The following MRPS33 variants were observed in gnomAD, a reference collection of about 807,000 sequenced individuals.
The protein encoded by MRPS33 is small ribosomal subunit protein mS33.
Under a neutral mutation model 11.2 loss-of-function variants are expected in MRPS33, and 11 were observed. The observed-to-expected ratio is 0.99, with a 90% CI of 0.62 to 1.63. The LOEUF (loss-of-function observed/expected upper bound fraction) is 1.63. MRPS33 is among the 40% of genes most tolerant of loss of function. The pLI is 0.00. For missense variants in MRPS33, 109 were observed against 127.8 expected (o/e 0.85, Z 0.71); for synonymous variants, 46 against 44.0 (o/e 1.05, Z -0.18).
rs1194475415 is a variant in MRPS33 at position 141,002,632 on chromosome 7, C to A, written c.*3798G>T. On this transcript the variant is annotated 3_prime_UTR_variant, in exon 3 of 3. Coordinates refer to ENST00000324787, the MANE Select transcript of MRPS33 (RefSeq NM_053035.3). Reference sequence around the variant, plus strand: ...GCAGAATTTCAAATTTTGATTTATTCTTTCTTGGAAAATGATTTATAAATA... The same window carrying A: ...GCAGAATTTCAAATTTTGATTTATTATTTCTTGGAAAATGATTTATAAATA... The A allele has an allele frequency of 1.2e-5, 3 of 252,324 alleles. No individual in the cohort carries two copies. The highest frequency in any genetic ancestry group is 5.0e-5 in the South Asian group (1 of 19,832). The allele number at this position is 252,324 out of a possible 1,614,324, so 15.6% of individuals were successfully genotyped here. A position where few individuals can be genotyped will look rare whatever the true frequency, so the allele number is the denominator to read the frequency against.
chr7:141,008,041 A>G (rs1820578382), intron 2 of MRPS33, among the ~76,000 whole-genome samples: 1 of 152,056 alleles, frequency 6.6e-6, no homozygotes, highest in Non-Finnish European at 1.5e-5. Context: ...GAATGAATCA[A>G]TTGTTTCTGA....
intron 1 of MRPS33, among the ~76,000 whole-genome samples, chr7:141,012,701 C>A (rs552473062): frequency 6.6e-6 from 1 of 152,156 alleles, no homozygotes; most frequent in Non-Finnish European, 1.5e-5. Flanking sequence ...AGTATTTCCA[C>A]AGTTAGTTAT....
rs544479970 is a variant in MRPS33 at position 141,010,536 on chromosome 7, A to G, written c.98T>C (p.Val33Ala). The G allele has an allele frequency of 1.2e-5, 20 of 1,614,192 alleles. No homozygotes were observed. The Admixed American group carries it at 1.3e-4, about 11-fold the overall frequency. Residue 33 changes from valine to alanine, a missense_variant, in exon 2 of 3, where the codon GTG becomes GCG. Transcript: ENST00000324787. Reference protein sequence around the residue: ...TRPTNSKSMKVVKLFSELPLA... With the variant: ...TRPTNSKSMKAVKLFSELPLA... ...GGGCAGTTCACTAAACAGTTTCACC[A>G]CTTTCATAGACTTGGAATTAGTAGG...
Position 141,002,640 on chromosome 7 carries a change from G to C in MRPS33, c.*3790C>G, listed in dbSNP as rs1486978568. 3 of 251,848 alleles carry C rather than the reference G, an allele frequency of 1.2e-5. No individual in the cohort carries two copies. Among genetic ancestry groups the C allele is most frequent in the Admixed American group, 4.9e-5 (1 of 20,428 alleles). 15.6% of individuals were successfully genotyped at this position (251,848 alleles called of 1,614,324 possible). The stretch of plus-strand genomic sequence containing the variant: ...TCAAATTTTGATTTATTCTTTCTTG[G>C]AAAATGATTTATAAATACAAGCATT... On this transcript the variant is annotated 3_prime_UTR_variant, in exon 3 of 3. Transcript: ENST00000324787.
At chr7:141,014,070 C>T (rs553868349) in intron 1 of MRPS33, among the ~76,000 whole-genome samples, 2 of 152,324 alleles carry the variant, frequency 1.3e-5, no homozygotes, top group South Asian at 2.1e-4. Flanking sequence ...AACGCACCAG[C>T]TGCAGAATAA....
intron 1 of MRPS33, among the ~76,000 whole-genome samples, chr7:141,012,057 C>T (rs1427939808): frequency 2.7e-5 from 4 of 150,508 alleles, no homozygotes; most frequent in Non-Finnish European, 1.5e-5. Flanking sequence ...GTAGTTCCAG[C>T]TACTCGTGGA....
chr7:141,012,864 T>C (rs1185187633), intron 1 of MRPS33, among the ~76,000 whole-genome samples: 2 of 152,226 alleles, frequency 1.3e-5, no homozygotes, highest in African/African-American at 4.8e-5. Flanking sequence ...CCTTGGGTTA[T>C]TGTGAACAGT....
At position 141,006,361 on chromosome 7, in the gene MRPS33, G is replaced by T; in HGVS notation, c.*69C>A. On this transcript the variant is annotated 3_prime_UTR_variant, in exon 3 of 3. Coordinates refer to ENST00000324787, the MANE Select transcript of MRPS33 (RefSeq NM_053035.3). ...GAAGATGACATTCCTCCAATAGGTG[G>T]AAAGACAATAAATGCACTTTCTTCT... 7.5e-7 allele frequency: 1 copy of T among 1,330,250 alleles called. No homozygotes were observed. Among genetic ancestry groups the T allele is most frequent in the Non-Finnish European group, 1.1e-6 (1 of 937,302 alleles). 82.4% of individuals were successfully genotyped at this position (1,330,250 alleles called of 1,614,324 possible). A position where few individuals can be genotyped will look rare whatever the true frequency, so the allele number is the denominator to read the frequency against.
chr7:141,002,835 A>G lies in MRPS33; in HGVS notation c.*3595T>C, dbSNP rs1820436800. On this transcript the variant is annotated 3_prime_UTR_variant, in exon 3 of 3. Coordinates refer to ENST00000324787, the MANE Select transcript of MRPS33 (RefSeq NM_053035.3). Reference sequence around the variant, plus strand: ...ATCATGCTGCTTGTAAACGTGGGGAACTTTATATTTTTAGGAGATACGTGT... The same window carrying G: ...ATCATGCTGCTTGTAAACGTGGGGAGCTTTATATTTTTAGGAGATACGTGT... 1 of 154,954 alleles carries G rather than the reference A, an allele frequency of 6.5e-6. No individual in the cohort carries two copies. The highest frequency in any genetic ancestry group is 1.4e-5 in the Non-Finnish European group (1 of 69,924). The allele number at this position is 154,954 out of a possible 1,614,324, so 9.6% of individuals were successfully genotyped here. A position where few individuals can be genotyped will look rare whatever the true frequency, so the allele number is the denominator to read the frequency against.
chr7:141,007,452 A>C (rs181323674), intron 2 of MRPS33, among the ~76,000 whole-genome samples: 1 of 152,162 alleles, frequency 6.6e-6, no homozygotes, highest in South Asian at 2.1e-4. Context: ...AGTGTCCCCA[A>C]ATAATTCTCA....
In MRPS33 at chr7:141,002,786, C is replaced by A. The variant is rs1163160117; in HGVS notation, c.*3644G>T. 4 of 162,324 alleles carry A rather than the reference C, an allele frequency of 2.5e-5. No homozygotes were observed. The East Asian group carries it at 6.9e-4, about 28-fold the overall frequency. 10.1% of individuals were successfully genotyped at this position (162,324 alleles called of 1,614,324 possible). ...ACATAAATAATAAGATGTTACCTCT[C>A]ATCTACCTCCTCTTCCTGAACCTAT... is the stretch of plus-strand genomic sequence containing the variant. On this transcript the variant is annotated 3_prime_UTR_variant, in exon 3 of 3. Transcript: ENST00000324787.
rs1480190548 is a variant in MRPS33, at chr7:141,002,747, T to A, written c.*3683A>T. On this transcript the variant is annotated 3_prime_UTR_variant, in exon 3 of 3. Transcript: ENST00000324787. The stretch of plus-strand genomic sequence containing the variant: ...ATATGGTGCTTAAAAAATAAACTTA[T>A]GGAGCCCATAATTACATAAATAATA... The A allele has an allele frequency of 1.2e-5, 2 of 161,582 alleles. No homozygotes were observed. Among genetic ancestry groups the A allele is most frequent in the Admixed American group, 1.2e-4 (2 of 16,346 alleles). 10.0% of individuals were successfully genotyped at this position (161,582 alleles called of 1,614,324 possible). A position where few individuals can be genotyped will look rare whatever the true frequency, so the allele number is the denominator to read the frequency against.
In MRPS33 at chr7:141,006,305, G is replaced by T. The variant is rs1388819090; in HGVS notation, c.*125C>A. ...CCGGATTAGATTTCACCAAGGAGAT[G>T]ACTGTGTTCCTCCAAATAAACTTCA... On this transcript the variant is annotated 3_prime_UTR_variant, in exon 3 of 3. Coordinates refer to ENST00000324787, the MANE Select transcript of MRPS33 (RefSeq NM_053035.3). 5 of 800,824 alleles carry T rather than the reference G, an allele frequency of 6.2e-6. No individual in the cohort carries two copies. The highest frequency in any genetic ancestry group is 5.2e-5 in the African/African-American group (3 of 58,180). 49.6% of individuals were successfully genotyped at this position (800,824 alleles called of 1,614,324 possible).
In MRPS33 at chr7:141,010,676, A is replaced by G; in HGVS notation, c.-27-16T>C. 1 of 1,570,434 alleles carries G rather than the reference A, an allele frequency of 6.4e-7. No homozygotes were observed. On this transcript the variant is annotated splice_polypyrimidine_tract_variant and intron_variant, in intron 1 of 2. Coordinates refer to ENST00000324787, the MANE Select transcript of MRPS33 (RefSeq NM_053035.3). ...GTTAGAGTTCCTATTGAAAATGAGAAGAAAGTTAAACAGGTTAGGGTAAGA... is the reference window on the plus strand; with the variant it reads ...GTTAGAGTTCCTATTGAAAATGAGAGGAAAGTTAAACAGGTTAGGGTAAGA...
At chr7:141,011,485 T>TA (rs973865703) in intron 1 of MRPS33, among the ~76,000 whole-genome samples, 45 of 152,210 alleles carry the variant, frequency 3.0e-4, no homozygotes, top group African/African-American at 1.1e-3. Flanking sequence ...GAATTACAGC[T>TA]AACAGACATA....
At position 141,002,910 on chromosome 7, in the gene MRPS33, G is replaced by A. The variant is rs557112971; in HGVS notation, c.*3520C>T. 1 of 152,622 alleles carries A rather than the reference G, an allele frequency of 6.6e-6. No individual in the cohort carries two copies. Among genetic ancestry groups the A allele is most frequent in the South Asian group, 2.1e-4 (1 of 4,838 alleles). The allele number at this position is 152,622 out of a possible 1,614,324, so 9.5% of individuals were successfully genotyped here. On this transcript the variant is annotated 3_prime_UTR_variant, in exon 3 of 3. Transcript: ENST00000324787. Reference sequence around the variant, plus strand: ...TAGTAAGACACAGCAGTACTTACTAGTCACATAATGTGCTATATGTAAAAG... The same window carrying A: ...TAGTAAGACACAGCAGTACTTACTAATCACATAATGTGCTATATGTAAAAG...
intron 1 of MRPS33, among the ~76,000 whole-genome samples, chr7:141,011,238 G>A (rs1171181791): frequency 6.6e-6 from 1 of 152,166 alleles, no homozygotes; most frequent in African/African-American, 2.4e-5. Context: ...GAGACTGAGA[G>A]CCATTTGGGA....
rs1232774374 is a variant in MRPS33 at position 141,010,422 on chromosome 7, T to C, written c.212A>G (p.Tyr71Cys). The change falls in exon 2 of 3, where the codon TAC becomes TGC. Residue 71 changes from tyrosine to cysteine, a missense_variant. Tyr to Cys is a radical substitution (Grantham distance 194). Transcript: ENST00000324787. ...CCCTCTTTGTGTTTGTCATCACCTG[T>C]AGAGTCCAAGAAATCGGAGCGTCTG... ...LMQTLRFLGL[Y>C]RDEHQDFMDE... 6.2e-7 allele frequency: 1 copy of C among 1,614,036 alleles called. No homozygotes were observed. Among genetic ancestry groups the C allele is most frequent in the East Asian group, 2.2e-5 (1 of 44,882 alleles).
intron 2 of MRPS33, 126 bp downstream of exon 2, chr7:141,010,293 T>C: frequency 1.2e-6 from 1 of 845,512 alleles, no homozygotes; most frequent in Non-Finnish European, 1.8e-6. Context: ...CTGCCAACTG[T>C]ACCTTTTGAA....
Sources: allele counts gnomAD v4.1 joint callset (sites outside exome capture counted in the v4.1 genomes callset), GRCh38; gene constraint gnomAD v4.1.1; transcripts MANE v1.5; gene names NCBI Gene and HGNC (gene_info 2026-07-23, HGNC 2026-07-21).